The following ST3GAL6 variants were observed in gnomAD, a reference collection of about 807,000 sequenced individuals.
ST3GAL6 encodes ST3 beta-galactoside alpha-2,3-sialyltransferase 6.
A neutral mutation model predicts 40.5 loss-of-function variants in ST3GAL6; 31 were observed. That is an observed-to-expected ratio of 0.77 (90% CI 0.58 to 1.03). The LOEUF (loss-of-function observed/expected upper bound fraction) is 1.03. Ranked by LOEUF, ST3GAL6 falls within the 50% of genes least tolerant of loss-of-function variation. ST3GAL6 has a pLI of 0.00. For synonymous variants in ST3GAL6, 129 were observed against 136.9 expected, an observed-to-expected ratio of 0.94 and a Z score of 0.40; for missense variants, 357 against 393.2, an observed-to-expected ratio of 0.91 and a Z score of 0.78.
At chr3:98,756,555 C>CA in intron 1 of ST3GAL6, 1 of 1,234,866 alleles carries the variant, frequency 8.1e-7, no homozygotes, top group Non-Finnish European at 1.0e-6. Context: ...GCAAAGGCAA[C>CA]ACCACCATTG....
chr3:98,748,297 G>C (rs1936716361), intron 1 of ST3GAL6, among the ~76,000 whole-genome samples: 1 of 152,156 alleles, frequency 6.6e-6, no homozygotes, highest in Non-Finnish European at 1.5e-5. Context: ...AAGACCTTGG[G>C]CAAGTCATTT....
chr3:98,756,682 C>T, intron 1 of ST3GAL6: 1 of 712,474 alleles, frequency 1.4e-6, no homozygotes, highest in South Asian at 3.0e-5. Context: ...ATTTTTTTCT[C>T]TTACTAGTTT....
upstream of ST3GAL6, among the ~76,000 whole-genome samples, chr3:98,758,892 A>T (rs1014826474): frequency 3.9e-5 from 6 of 152,218 alleles, no homozygotes; most frequent in Non-Finnish European, 5.9e-5. Context: ...TAATAGCTCT[A>T]TTAGGAAGTA....
At chr3:98,743,111 G>A (rs953240352) in intron 1 of ST3GAL6, among the ~76,000 whole-genome samples, 2 of 147,850 alleles carry the variant, frequency 1.4e-5, no homozygotes, top group Non-Finnish European at 3.0e-5. Context: ...CAGCTCAAGC[G>A]ATCCTCCAGC....
intron 5 of ST3GAL6, among the ~76,000 whole-genome samples, chr3:98,778,537 G>A (rs541306537): frequency 1.3e-5 from 2 of 152,338 alleles, no homozygotes; most frequent in Admixed American, 6.5e-5. Context: ...ATCATTTGTG[G>A]TGAATATGCA....
At chr3:98,734,354 G>A (rs1486683993) in intron 1 of ST3GAL6, among the ~76,000 whole-genome samples, 2 of 152,166 alleles carry the variant, frequency 1.3e-5, no homozygotes, top group African/African-American at 2.4e-5. Context: ...CCCTTAGACT[G>A]TTATTTAGTT....
intron 1 of ST3GAL6, among the ~76,000 whole-genome samples, chr3:98,734,155 C>T (rs1371023041): frequency 1.3e-5 from 2 of 152,196 alleles, no homozygotes; most frequent in Non-Finnish European, 2.9e-5. Context: ...TCTTCCTCAC[C>T]TAGCTGCAGA....
chr3:98,771,529 T>A (rs1938986840), intron 3 of ST3GAL6, among the ~76,000 whole-genome samples: 1 of 152,224 alleles, frequency 6.6e-6, no homozygotes, highest in Admixed American at 6.5e-5. Flanking sequence ...ATGCTCTAGA[T>A]AACAAGAAAT....
At chr3:98,754,876 T>C (rs1937305365) in intron 1 of ST3GAL6, among the ~76,000 whole-genome samples, 1 of 152,238 alleles carries the variant, frequency 6.6e-6, no homozygotes, top group Non-Finnish European at 1.5e-5. Flanking sequence ...CACATTGGTT[T>C]TTAGACACAA....
chr3:98,792,623 C>T (rs1941301084), intron 9 of ST3GAL6, among the ~76,000 whole-genome samples: 1 of 150,190 alleles, frequency 6.7e-6, no homozygotes, highest in South Asian at 2.1e-4. Flanking sequence ...TCTCCTGCTT[C>T]AGTCTCCCTA....
intron 1 of ST3GAL6, among the ~76,000 whole-genome samples, chr3:98,734,312 G>C (rs1935332878): frequency 1.3e-5 from 2 of 152,170 alleles, no homozygotes; most frequent in Non-Finnish European, 2.9e-5. Flanking sequence ...CACTAAGAAC[G>C]CTTTTCATAC....
In ST3GAL6 at chr3:98,784,985, G is replaced by A. The variant is rs1161279792; in HGVS notation, c.376G>A (p.Val126Ile). The stretch of plus-strand genomic sequence containing the variant: ...GTGTGTGGTGGTTGGTAATGGAGGA[G>A]TTTTGAAGAATAAGACATTAGGAGA... ...KKCVVVGNGG[V>I]LKNKTLGEKI... Residue 126 changes from valine (V) to isoleucine (I), a missense_variant, in exon 6 of 10, where the codon GTT (valine) becomes ATT (isoleucine). By Grantham distance (29) the Val-to-Ile change is conservative (BLOSUM62 3). Coordinates refer to ENST00000483910, the MANE Select transcript of ST3GAL6 (RefSeq NM_001323368.2). 4.0e-6 allele frequency: 6 copies of A among 1,488,436 alleles called. No individual in the cohort carries two copies. Among genetic ancestry groups the A allele is most frequent in the Non-Finnish European group, 5.5e-6 (6 of 1,094,644 alleles). 92.2% of individuals were successfully genotyped at this position (1,488,436 alleles called of 1,614,324 possible). A position where few individuals can be genotyped will look rare whatever the true frequency, so the allele number is the denominator to read the frequency against.
In ST3GAL6 at chr3:98,794,544, T is replaced by TGAA. The variant is rs1040975066; in HGVS notation, c.*785_*787dup. 1 of 152,102 alleles carries TGAA rather than the reference T, an allele frequency of 6.6e-6. No individual in the cohort carries two copies. Among genetic ancestry groups the TGAA allele is most frequent in the African/African-American group, 2.4e-5 (1 of 41,404 alleles). The allele number at this position is 152,102 out of a possible 1,614,324, so 9.4% of individuals were successfully genotyped here. A position where few individuals can be genotyped will look rare whatever the true frequency, so the allele number is the denominator to read the frequency against. ...CATTAAATTTTGAAGGTTTTCCACTTGAAGTAAATTAGGAAAGGTAAAGAA... is the reference window on the plus strand; with the variant it reads ...CATTAAATTTTGAAGGTTTTCCACTTGAAGAAGTAAATTAGGAAAGGTAAAGAA... On this transcript the variant is annotated 3_prime_UTR_variant, in exon 10 of 10. Transcript: ENST00000483910.
intron 1 of ST3GAL6, among the ~76,000 whole-genome samples, chr3:98,745,008 TACA>T (rs1936429530): frequency 6.6e-6 from 1 of 151,822 alleles, no homozygotes; most frequent in South Asian, 2.1e-4. Context: ...TAAACTGCCT[TACA>T]ACTTTTTTTT....
At position 98,794,331 on chromosome 3, in the gene ST3GAL6, T is replaced by A. The variant is rs539464608; in HGVS notation, c.*570T>A. On this transcript the variant is annotated 3_prime_UTR_variant, in exon 10 of 10. Coordinates refer to ENST00000483910, the MANE Select transcript of ST3GAL6 (RefSeq NM_001323368.2). ...GTGTTTGTTTTTAAGTTAAAGGAAA[T>A]GGGCTAAACATAAAGTTCTTATTAG... 7 of 152,260 alleles carry A rather than the reference T, an allele frequency of 4.6e-5. No homozygotes were observed. Among genetic ancestry groups the A allele is most frequent in the African/African-American group, 1.4e-4 (6 of 41,550 alleles). 9.4% of individuals were successfully genotyped at this position (152,260 alleles called of 1,614,324 possible). A position where few individuals can be genotyped will look rare whatever the true frequency, so the allele number is the denominator to read the frequency against.
rs148821579 is a variant in ST3GAL6, at chr3:98,791,387, G to A, written c.757-454G>A. 3.8e-3 allele frequency among the ~76,000 whole-genome samples: 584 copies of A among 152,288 alleles called. 11 individuals carry two copies. Among genetic ancestry groups the A allele is most frequent in the African/African-American group, 0.014 (564 of 41,566 alleles). On this transcript the variant is annotated intron_variant, in intron 8 of 9. Coordinates refer to ENST00000483910, the MANE Select transcript of ST3GAL6 (RefSeq NM_001323368.2). Reference sequence around the variant, plus strand: ...TGAGTATAAAATATAGCTATTCGAAGGCGAATTTATATGAAGTCTTTTATC... The same window carrying A: ...TGAGTATAAAATATAGCTATTCGAAAGCGAATTTATATGAAGTCTTTTATC...
At chr3:98,758,496 A>G (rs917205967), upstream of ST3GAL6, among the ~76,000 whole-genome samples, 3 of 152,192 alleles carry the variant, frequency 2.0e-5, no homozygotes, top group Non-Finnish European at 4.4e-5. Flanking sequence ...GAAAAGCATA[A>G]AAAAGATATG....
chr3:98,786,251 AC>A (rs916692624), intron 6 of ST3GAL6, among the ~76,000 whole-genome samples: 5 of 152,194 alleles, frequency 3.3e-5, no homozygotes, highest in Non-Finnish European at 7.4e-5. Flanking sequence ...GAGAGTGAGG[AC>A]TGAGCCTCAG....
intron 1 of ST3GAL6, among the ~76,000 whole-genome samples, chr3:98,744,578 T>C (rs1936391851): frequency 6.6e-6 from 1 of 152,220 alleles, no homozygotes; most frequent in African/African-American, 2.4e-5. Context: ...CACTTTGAGA[T>C]TGAGCCAGTT....
Sources: gnomAD v4.1 joint callset for allele counts (sites outside exome capture counted in the v4.1 genomes callset) on GRCh38, gnomAD v4.1.1 for gene constraint, MANE v1.5 for transcripts, NCBI Gene and HGNC (gene_info 2026-07-23, HGNC 2026-07-21) for gene names.